Variants in TRPM1 observed in about 807,000 individuals in gnomAD.
TRPM1 encodes the protein transient receptor potential cation channel subfamily M member 1, also known as TRPM1-203 APA Isoform, Intron 10.
TRPM1 carries 113 observed loss-of-function variants against 149.4 expected under a neutral mutation model. That is an observed-to-expected ratio of 0.76 (90% CI 0.65 to 0.88). The LOEUF (loss-of-function observed/expected upper bound fraction) is 0.88, where lower values mean the gene tolerates loss of function less well. Among genes scored for constraint, TRPM1 ranks in the 40% least tolerant of loss-of-function variants. The pLI is 0.00. For synonymous variants in TRPM1, 741 were observed against 759.5 expected, an observed-to-expected ratio of 0.98 and a Z score of 0.40; for missense variants, 1,976 against 2,038.7, an observed-to-expected ratio of 0.97 and a Z score of 0.59.
At chr15:31,016,713 C>CT (rs2032365296) in intron 27 of TRPM1, among the ~76,000 whole-genome samples, 1 of 152,136 alleles carries the variant, frequency 6.6e-6, no homozygotes, top group African/African-American at 2.4e-5. Flanking sequence ...ATTAATCATT[C>CT]TCCTGACTTT....
chr15:31,072,439 G>A (rs1364286909), intron 3 of TRPM1, among the ~76,000 whole-genome samples: 1 of 152,024 alleles, frequency 6.6e-6, no homozygotes, highest in African/African-American at 2.4e-5. Context: ...GGACATTTGG[G>A]CTATTCGCAC....
At chr15:31,017,397 G>A (rs2032405078) in intron 27 of TRPM1, among the ~76,000 whole-genome samples, 2 of 152,146 alleles carry the variant, frequency 1.3e-5, no homozygotes, top group Non-Finnish European at 1.5e-5. Flanking sequence ...ATTTGGTTTT[G>A]AGAAAAAACA....
At chr15:31,077,019 A>T in intron 2 of TRPM1, 35 bp from the exon 3 acceptor site, 1 of 1,436,342 alleles carries the variant, frequency 7.0e-7, no homozygotes, top group Non-Finnish European at 9.8e-7. Flanking sequence ...TTGGACCAAT[A>T]CATTCCCAAG....
intron 1 of TRPM1, among the ~76,000 whole-genome samples, chr15:31,128,645 G>A (rs1337720307): frequency 1.3e-5 from 2 of 152,182 alleles, no homozygotes; most frequent in African/African-American, 4.8e-5. Flanking sequence ...CCGCATCACT[G>A]ACGGGCATAG....
chr15:31,062,744 A>G, intron 8 of TRPM1, 42 bp from the exon 9 acceptor site: 5 of 1,606,834 alleles, frequency 3.1e-6, no homozygotes, highest in Non-Finnish European at 4.3e-6. Flanking sequence ...AGGCAAGTTA[A>G]ATCTATATAT....
intron 1 of TRPM1, among the ~76,000 whole-genome samples, chr15:31,153,582 C>T (rs2036330781): frequency 6.6e-6 from 1 of 152,208 alleles, no homozygotes; most frequent in Non-Finnish European, 1.5e-5. Flanking sequence ...CCTCAGCCTC[C>T]CAAAGTTCTG....
intron 16 of TRPM1, among the ~76,000 whole-genome samples, chr15:31,043,488 G>A (rs966568378): frequency 2.6e-5 from 4 of 152,118 alleles, no homozygotes; most frequent in African/African-American, 7.2e-5. Flanking sequence ...CACCACGCCC[G>A]GCCACGACTG....
chr15:31,023,383 C>T (rs1039241768), intron 27 of TRPM1, among the ~76,000 whole-genome samples: 6 of 152,242 alleles, frequency 3.9e-5, no homozygotes, highest in Non-Finnish European at 5.9e-5. Flanking sequence ...AGGGCAGGGC[C>T]TTGCAGGCCT....
At chr15:31,055,022 A>C (rs1369677617) in intron 11 of TRPM1, among the ~76,000 whole-genome samples, 1 of 152,188 alleles carries the variant, frequency 6.6e-6, no homozygotes, top group East Asian at 1.9e-4. Context: ...AGATAGAAGA[A>C]TTTTGTCTAG....
intron 27 of TRPM1, among the ~76,000 whole-genome samples, chr15:31,015,002 G>A (rs569029879): frequency 6.6e-6 from 1 of 152,152 alleles, no homozygotes; most frequent in East Asian, 1.9e-4. Context: ...GGCAGGGGGT[G>A]GGGGTGGGGC....
At chr15:31,043,604 ACAGTGAAG>A (rs2033683890) in intron 16 of TRPM1, among the ~76,000 whole-genome samples, 1 of 152,212 alleles carries the variant, frequency 6.6e-6, no homozygotes, top group African/African-American at 2.4e-5. Flanking sequence ...TAATTTTGTC[ACAGTGAAG>A]CTACAGTCGC....
At chr15:31,051,794 G>C (rs2033954203) in intron 11 of TRPM1, among the ~76,000 whole-genome samples, 1 of 152,140 alleles carries the variant, frequency 6.6e-6, no homozygotes, top group South Asian at 2.1e-4. Flanking sequence ...TCAGCATCCT[G>C]CTTGCATGTC....
rs375945376 is a variant in TRPM1, at chr15:31,115,052, C to G, written c.55-38068G>C. Among the ~76,000 whole-genome samples the G allele has an allele frequency of 2.6e-5, 4 of 152,262 alleles. No homozygotes were observed. The East Asian group carries it at 5.8e-4, about 22-fold the overall frequency. Reference sequence around the variant, plus strand: ...GGCGGATCACCTGAGGTTAGGAGTTCAAGACCAGCCTGGCCAAAATGGTGA... The same window carrying G: ...GGCGGATCACCTGAGGTTAGGAGTTGAAGACCAGCCTGGCCAAAATGGTGA... On this transcript the variant is annotated intron_variant, in intron 1 of 26. Transcript: ENST00000542188.
At chr15:31,101,800 C>T (rs1323129928), upstream of TRPM1, 8 of 852,538 alleles carry the variant, frequency 9.4e-6, no homozygotes, top group Non-Finnish European at 1.1e-5. Flanking sequence ...GGCCTGGGCC[C>T]TCATGATTGC....
chr15:31,092,746 G>A (rs2035275615), intron 1 of TRPM1, among the ~76,000 whole-genome samples: 1 of 152,152 alleles, frequency 6.6e-6, no homozygotes, highest in South Asian at 2.1e-4. Flanking sequence ...CCCAGCCGCG[G>A]TAGCATGTAC....
Position 31,001,800 on chromosome 15 carries a change from AAAATT to A in TRPM1, c.*17_*21del, listed in dbSNP as rs1326651358. The stretch of plus-strand genomic sequence containing the variant: ...TTAGTGGTTCTGACTGTTAAAAAAA[AAAATT>A]AAAGAAACAAAACAGACTAGCATTC... On this transcript the variant is annotated 3_prime_UTR_variant, in exon 28 of 28. Coordinates refer to ENST00000256552, the MANE Select transcript of TRPM1 (RefSeq NM_001252024.2). 6.2e-7 allele frequency: 1 copy of A among 1,603,462 alleles called. No individual in the cohort carries two copies. The highest frequency in any genetic ancestry group is 8.5e-7 in the Non-Finnish European group (1 of 1,178,846).
intron 20 of TRPM1, 123 bp downstream of exon 20, chr15:31,037,588 A>G: frequency 1.9e-5 from 26 of 1,369,532 alleles, no homozygotes; most frequent in Non-Finnish European, 2.6e-5. Context: ...TTTTGTTCTC[A>G]TAATTCATTT....
intron 1 of TRPM1, among the ~76,000 whole-genome samples, chr15:31,113,423 G>A (rs1018313613): frequency 2.6e-5 from 3 of 115,014 alleles, no homozygotes; most frequent in Non-Finnish European, 5.6e-5. Flanking sequence ...TCAATACCCA[G>A]CTCTGACAGT....
intron 27 of TRPM1, among the ~76,000 whole-genome samples, chr15:31,007,817 G>A (rs187331835): frequency 6.6e-6 from 1 of 152,214 alleles, no homozygotes; most frequent in African/African-American, 2.4e-5. Flanking sequence ...CATGAATATG[G>A]TATATCCTCC....
Sources: gnomAD v4.1 joint callset for allele counts (sites outside exome capture counted in the v4.1 genomes callset) on GRCh38, gnomAD v4.1.1 for gene constraint, MANE v1.5 for transcripts, NCBI Gene and HGNC (gene_info 2026-07-23, HGNC 2026-07-21) for gene names.